Variants in PCDHGA2 observed in about 807,000 individuals in gnomAD.
PCDHGA2 encodes the protein protocadherin gamma subfamily A, 2, also known as protocadherin gamma-A2.
In PCDHGA2, 40 loss-of-function variants were observed where a neutral mutation model predicts 59.2. The ratio of observed to expected loss-of-function variants is 0.68; its 90% CI spans 0.52 to 0.88. PCDHGA2 has a LOEUF of 0.88. Among genes scored for constraint, PCDHGA2 ranks in the 40% least tolerant of loss-of-function variants. PCDHGA2 has a pLI of 0.00. For missense variants in PCDHGA2, 1,226 were observed against 1,204.0 expected (o/e 1.02, Z -0.27); for synonymous variants, 560 against 526.0 (o/e 1.06, Z -0.89).
Position 141,490,177 on chromosome 5 carries a change from T to C in PCDHGA2, c.2425-4630T>C, listed in dbSNP as rs780298274. 12 of 1,613,622 alleles carry C rather than the reference T, an allele frequency of 7.4e-6. No individual in the cohort carries two copies. The highest frequency in any genetic ancestry group is 1.0e-5 in the Non-Finnish European group (12 of 1,179,932). On this transcript the variant is annotated intron_variant, in intron 1 of 3. Transcript: ENST00000394576. This position sits in a 1 kb window ranked among gnomAD's most constrained non-coding sequence, Gnocchi z 5.4. The stretch of plus-strand genomic sequence containing the variant: ...GTTGGGTCCCATAGACTTTGAGGAG[T>C]CACGTTTCTATGAAATTCATGCAAG...
In PCDHGA2 at chr5:141,385,248, G is replaced by T; in HGVS notation, c.2424+43853G>T. 6.2e-7 allele frequency: 1 copy of T among 1,613,854 alleles called. No individual in the cohort carries two copies. The highest frequency in any genetic ancestry group is 8.5e-7 in the Non-Finnish European group (1 of 1,179,720). The stretch of plus-strand genomic sequence containing the variant: ...ATGTAGACATGCTCATCAGCCAGGA[G>T]AGCTGTGAGAAAAATGATTCTTTGC... On this transcript the variant is annotated intron_variant, in intron 1 of 3. Coordinates refer to ENST00000394576, the MANE Select transcript of PCDHGA2 (RefSeq NM_018915.4).
chr5:141,492,619 G>A lies in PCDHGA2; in HGVS notation c.2425-2188G>A, dbSNP rs778698501. ...GCGACTGCCGCTCTAAGTGCCGGGC[G>A]GGCAGGACTCTACGATCCTTGGGCC... On this transcript the variant is annotated intron_variant, in intron 1 of 3. Coordinates refer to ENST00000394576, the MANE Select transcript of PCDHGA2 (RefSeq NM_018915.4). 7.8e-4 allele frequency among the ~76,000 whole-genome samples: 118 copies of A among 152,234 alleles called. 1 individual carries two copies. The highest frequency in any genetic ancestry group is 3.3e-3 in the Admixed American group (51 of 15,282).
chr5:141,502,246 T>A (rs1449536622), intron 2 of PCDHGA2, among the ~76,000 whole-genome samples: 1 of 152,206 alleles, frequency 6.6e-6, no homozygotes, highest in African/African-American at 2.4e-5. Flanking sequence ...TTTATCCTTT[T>A]TTTTAATCCA....
chr5:141,385,241 G>A lies in PCDHGA2; in HGVS notation c.2424+43846G>A, dbSNP rs749708848. ...CCCAACTATGTAGACATGCTCATCA[G>A]CCAGGAGAGCTGTGAGAAAAATGAT... On this transcript the variant is annotated intron_variant, in intron 1 of 3. Transcript: ENST00000394576. 9 of 1,613,904 alleles carry A rather than the reference G, an allele frequency of 5.6e-6. No homozygotes were observed. The Admixed American group carries it at 1.5e-4, about 27-fold the overall frequency.
At chr5:141,351,186 G>C in intron 1 of PCDHGA2, 1 of 1,614,046 alleles carries the variant, frequency 6.2e-7, no homozygotes, top group Non-Finnish European at 8.5e-7. Flanking sequence ...GAAGAGACAA[G>C]TAGATATGTG....
intron 1 of PCDHGA2, chr5:141,417,977 G>T (rs752463782): frequency 1.2e-6 from 2 of 1,613,872 alleles, no homozygotes; most frequent in South Asian, 2.2e-5. Context: ...GATTCCGGAG[G>T]AGCTGGCCAA....
chr5:141,344,599 C>G (rs779646542), intron 1 of PCDHGA2: 1 of 1,613,944 alleles, frequency 6.2e-7, no homozygotes, highest in Non-Finnish European at 8.5e-7. Flanking sequence ...TCTGAGGGGG[C>G]CAAGTATCCA....
In PCDHGA2 at chr5:141,487,574, C is replaced by T. The variant is rs753979217; in HGVS notation, c.2425-7233C>T. ...TGCACCTATGGCAGGGGAGCCTGTTCGCCCAAGCTGCCCACCCTCTGATCT... is the reference window on the plus strand; with the variant it reads ...TGCACCTATGGCAGGGGAGCCTGTTTGCCCAAGCTGCCCACCCTCTGATCT... On this transcript the variant is annotated intron_variant, in intron 1 of 3. Transcript: ENST00000394576. This position sits in a 1 kb window ranked among gnomAD's most constrained non-coding sequence, Gnocchi z 5.0. 1.2e-5 allele frequency: 20 copies of T among 1,614,040 alleles called. 1 individual carries two copies. The highest frequency in any genetic ancestry group is 8.9e-5 in the East Asian group (4 of 44,870).
intron 1 of PCDHGA2, among the ~76,000 whole-genome samples, chr5:141,454,120 T>C (rs956675583): frequency 6.6e-5 from 10 of 152,228 alleles, no homozygotes; most frequent in African/African-American, 2.4e-4. Context: ...ATAGAAGAAA[T>C]AGCTGACCAT....
intron 1 of PCDHGA2, among the ~76,000 whole-genome samples, chr5:141,435,951 G>C (rs371199258): frequency 3.9e-5 from 6 of 152,100 alleles, no homozygotes; most frequent in African/African-American, 1.4e-4. Flanking sequence ...ACCAAAAAAG[G>C]GGGCAAAATA....
At chr5:141,448,316 T>G (rs1042171540) in intron 1 of PCDHGA2, among the ~76,000 whole-genome samples, 2 of 152,174 alleles carry the variant, frequency 1.3e-5, no homozygotes, top group Admixed American at 1.3e-4. Context: ...AGGAATCTTT[T>G]CTTTGAATCT....
intron 1 of PCDHGA2, among the ~76,000 whole-genome samples, chr5:141,457,698 G>C (rs1008393847): frequency 7.9e-5 from 12 of 152,234 alleles, no homozygotes; most frequent in Admixed American, 5.2e-4. Flanking sequence ...GATTGGCTTT[G>C]ATGAAACACT....
chr5:141,418,586 A>C lies in PCDHGA2; in HGVS notation c.2425-76221A>C, dbSNP rs1422171892. ...TGCCAATGACAACCCCCCAGTGTTC[A>C]GCCAGGACGTGTACAGGGTTAGCCT... On this transcript the variant is annotated intron_variant, in intron 1 of 3. Transcript: ENST00000394576. The C allele has an allele frequency of 1.9e-6, 3 of 1,613,930 alleles. No individual in the cohort carries two copies. In the Admixed American group the frequency reaches 5.0e-5, roughly 27 times the overall value.
Position 141,489,557 on chromosome 5 carries a change from T to C in PCDHGA2, c.2425-5250T>C, listed in dbSNP as rs150797955. 54 of 1,613,956 alleles carry C rather than the reference T, an allele frequency of 3.3e-5. 1 individual carries two copies. Among genetic ancestry groups the C allele is most frequent in the Non-Finnish European group, 4.3e-5 (51 of 1,180,004 alleles). On this transcript the variant is annotated intron_variant, in intron 1 of 3. Coordinates refer to ENST00000394576, the MANE Select transcript of PCDHGA2 (RefSeq NM_018915.4). The surrounding 1 kb of genome is among the most constrained non-coding windows in gnomAD (Gnocchi z 4.5). ...GCCAGCACCAGCTGCCTGCTGCCAG[T>C]GCAGGTGGTGACTGAACACCCCCTG...
At chr5:141,429,925 A>G (rs1009987955) in intron 1 of PCDHGA2, among the ~76,000 whole-genome samples, 5 of 152,244 alleles carry the variant, frequency 3.3e-5, no homozygotes, top group African/African-American at 1.2e-4. Flanking sequence ...TATTAATAGA[A>G]TTCTGGAGTA....
chr5:141,482,109 C>G (rs972542276), intron 1 of PCDHGA2, among the ~76,000 whole-genome samples: 2 of 149,582 alleles, frequency 1.3e-5, no homozygotes, highest in African/African-American at 2.5e-5. Context: ...AAAAAAATAT[C>G]TAGAGATGGG....
rs1271293217 is a variant in PCDHGA2, at chr5:141,374,804, A to G, written c.2424+33409A>G. On this transcript the variant is annotated intron_variant, in intron 1 of 3. Transcript: ENST00000394576. ...TCTAGATGTGAATGACAACACTCCA[A>G]TGTTTACTCAGCCTGTCTACCGTGT... The G allele has an allele frequency of 6.8e-6, 11 of 1,613,854 alleles. No individual in the cohort carries two copies. In the East Asian group the frequency reaches 1.6e-4, roughly 23 times the overall value.
At chr5:141,470,900 G>A (rs1454085317) in intron 1 of PCDHGA2, among the ~76,000 whole-genome samples, 4 of 151,832 alleles carry the variant, frequency 2.6e-5, no homozygotes, top group African/African-American at 9.7e-5. Context: ...GTTTTTTGTA[G>A]AGATGGGACT....
chr5:141,407,159 A>G (rs1349203478), intron 1 of PCDHGA2, among the ~76,000 whole-genome samples: 1 of 152,232 alleles, frequency 6.6e-6, no homozygotes, highest in Non-Finnish European at 1.5e-5. Context: ...AGTGTCTGGG[A>G]ATCCTTTATG....
Sources: gnomAD v4.1 joint callset for allele counts (sites outside exome capture counted in the v4.1 genomes callset) on GRCh38, gnomAD v4.1.1 for gene constraint, Gnocchi (gnomAD v3.1) non-coding constraint, MANE v1.5 for transcripts, NCBI Gene and HGNC (gene_info 2026-07-23, HGNC 2026-07-21) for gene names.